The following DNAH8 variants were observed in gnomAD, a reference collection of about 807,000 sequenced individuals.
DNAH8 encodes the protein axonemal beta dynein heavy chain 8.
In DNAH8, 382 loss-of-function variants were observed where a neutral mutation model predicts 562.1. The observed-to-expected ratio is 0.68, with a 90% confidence interval of 0.63 to 0.74. The LOEUF (loss-of-function observed/expected upper bound fraction) is 0.74, where lower values mean the gene tolerates loss of function less well. DNAH8 is among the 30% of genes least tolerant of loss of function. DNAH8 has a pLI of 0.00. For synonymous variants in DNAH8, 1,881 were observed against 1,919.4 expected (o/e 0.98, Z 0.52); for missense variants, 5,203 against 5,620.4 (o/e 0.93, Z 2.37).
At chr6:38,905,509 A>G (rs1208496302) in intron 62 of DNAH8, among the ~76,000 whole-genome samples, 1 of 152,190 alleles carries the variant, frequency 6.6e-6, no homozygotes. Context: ...ACTATATACA[A>G]TTTATGACTA....
At chr6:39,001,518 G>A (rs182749752) in intron 88 of DNAH8, among the ~76,000 whole-genome samples, 2 of 152,122 alleles carry the variant, frequency 1.3e-5, no homozygotes, top group South Asian at 2.1e-4. Context: ...AAAAATGAGG[G>A]CAGAGCATTC....
intron 88 of DNAH8, among the ~76,000 whole-genome samples, chr6:39,006,069 T>C (rs570597440): frequency 5.9e-5 from 9 of 152,204 alleles, no homozygotes; most frequent in Non-Finnish European, 1.2e-4. Context: ...TCCTGCAATC[T>C]CGAGGAAGTT....
chr6:39,005,454 C>G (rs1426574921), intron 88 of DNAH8, among the ~76,000 whole-genome samples: 1 of 152,146 alleles, frequency 6.6e-6, no homozygotes, highest in Admixed American at 6.5e-5. Context: ...ACAATCCCCT[C>G]TAGCAATTAC....
chr6:38,859,617 A>C (rs574005029), intron 42 of DNAH8, among the ~76,000 whole-genome samples: 1 of 152,294 alleles, frequency 6.6e-6, no homozygotes, highest in African/African-American at 2.4e-5. Context: ...GTTTCACTGG[A>C]AAGTCACGAA....
chr6:38,873,520 A>T, intron 52 of DNAH8, 144 bp downstream of exon 52: 1 of 709,808 alleles, frequency 1.4e-6, no homozygotes, highest in Non-Finnish European at 2.2e-6. Context: ...GATAATTTTG[A>T]TTTCTATTAA....
At chr6:38,897,824 A>T (rs977353561) in intron 60 of DNAH8, among the ~76,000 whole-genome samples, 2 of 152,170 alleles carry the variant, frequency 1.3e-5, no homozygotes, top group Non-Finnish European at 2.9e-5. Context: ...AAAGAATTAG[A>T]TGGGGAGGAA....
chr6:39,004,155 T>G (rs565554642), intron 88 of DNAH8, among the ~76,000 whole-genome samples: 3 of 152,298 alleles, frequency 2.0e-5, no homozygotes, highest in South Asian at 2.1e-4. Context: ...GTAGGAGAAT[T>G]GCTTGAGCCC....
intron 88 of DNAH8, 54 bp from the exon 89 acceptor site, chr6:39,008,760 T>G: frequency 9.3e-7 from 1 of 1,080,748 alleles, no homozygotes; most frequent in South Asian, 1.8e-5. Context: ...CACTTGACAC[T>G]TATCTCTTAC....
At chr6:38,780,849 TA>T (rs149534301) in intron 15 of DNAH8, among the ~76,000 whole-genome samples, 5 of 151,328 alleles carry the variant, frequency 3.3e-5, no homozygotes, top group African/African-American at 9.7e-5. Context: ...AAATAAAAGT[TA>T]AAAAAAAACT....
rs549766511 is a variant in DNAH8 at position 38,867,549 on chromosome 6, C to A, written c.6694-513C>A. 2.6e-4 allele frequency among the ~76,000 whole-genome samples: 39 copies of A among 151,128 alleles called. 1 individual carries two copies. In the South Asian group the frequency reaches 8.0e-3, roughly 31 times the overall value. On this transcript the variant is annotated intron_variant, in intron 47 of 92. Coordinates refer to ENST00000327475, the MANE Select transcript of DNAH8 (RefSeq NM_001206927.2). ...CATGAGGTCGGGAGATCGAGACCAT[C>A]CTGGCTAACATGGTGAAACCCTGTC...
intron 21 of DNAH8, among the ~76,000 whole-genome samples, chr6:38,802,949 A>T (rs146004215): frequency 6.6e-5 from 10 of 152,310 alleles, no homozygotes; most frequent in Non-Finnish European, 1.2e-4. Context: ...TGAGTCAGGG[A>T]TAGGTCAAAG....
chr6:38,772,883 A>G (rs1201030147), intron 12 of DNAH8, among the ~76,000 whole-genome samples: 4 of 151,216 alleles, frequency 2.6e-5, no homozygotes, highest in African/African-American at 7.3e-5. Flanking sequence ...GTGCAGTGGC[A>G]TGATCATAGC....
intron 68 of DNAH8, 114 bp from the exon 69 acceptor site, chr6:38,917,125 G>A: frequency 1.4e-6 from 1 of 721,188 alleles, no homozygotes; most frequent in Non-Finnish European, 2.0e-6. Context: ...CTTGGAAATG[G>A]AGAGAAAATA....
chr6:38,790,508 A>G (rs1769630235), intron 20 of DNAH8, 103 bp downstream of exon 20: 1 of 584,120 alleles, frequency 1.7e-6, no homozygotes, highest in Non-Finnish European at 3.0e-6. Flanking sequence ...TTTTAACTAA[A>G]AGGACATCCG....
At chr6:38,967,654 A>C (rs1763062945) in intron 82 of DNAH8, among the ~76,000 whole-genome samples, 1 of 152,198 alleles carries the variant, frequency 6.6e-6, no homozygotes, top group Non-Finnish European at 1.5e-5. Context: ...AAAGACATCC[A>C]GTGTTCATGG....
rs862437 is a variant in DNAH8 at position 38,898,898 on chromosome 6, A to G, written c.9063+518A>G. Among the ~76,000 whole-genome samples, 1,376 of 152,246 alleles carry G rather than the reference A, an allele frequency of 9.0e-3. 22 individuals are homozygous for G. Among genetic ancestry groups the G allele is most frequent in the African/African-American group, 0.031 (1,267 of 41,524 alleles). ...TTCACACTAATCTATTCAACAAGTA[A>G]TTATTGACCATTCACCGTGGCTAGA... On this transcript the variant is annotated intron_variant, in intron 61 of 92. Transcript: ENST00000327475.
chr6:38,882,139 A>G (rs1048934684), intron 53 of DNAH8, among the ~76,000 whole-genome samples: 2 of 148,898 alleles, frequency 1.3e-5, no homozygotes, highest in Non-Finnish European at 3.0e-5. Context: ...GCCATTACGG[A>G]AAGCAGTTTG....
rs752965059 is a variant in DNAH8, at chr6:38,850,382, G to A, written c.5331G>A (p.Glu1777=). The change falls in exon 38 of 93, where the codon GAG becomes GAA. Residue 1777 remains glutamate (E), a synonymous_variant. Coordinates refer to ENST00000327475, the MANE Select transcript of DNAH8 (RefSeq NM_001206927.2). ...TMGQLLPHLH[E]QLEVCQKSLT... ...GACAACTTTTACCTCATTTACATGA[G>A]CAGTTGGAAGTATGTCAGAAGTCAC... 1.2e-5 allele frequency: 19 copies of A among 1,613,424 alleles called. No homozygotes were observed. The highest frequency in any genetic ancestry group is 1.6e-5 in the Non-Finnish European group (19 of 1,179,588).
chr6:38,959,663 A>C (rs1762481699), intron 82 of DNAH8, among the ~76,000 whole-genome samples: 1 of 152,154 alleles, frequency 6.6e-6, no homozygotes, highest in Non-Finnish European at 1.5e-5. Context: ...GACTTGAAAG[A>C]ATTAATATTG....
Sources: allele counts gnomAD v4.1 joint callset (sites outside exome capture counted in the v4.1 genomes callset), GRCh38; gene constraint gnomAD v4.1.1; transcripts MANE v1.5; gene names NCBI Gene and HGNC (gene_info 2026-07-23, HGNC 2026-07-21).